HELZ: variants seen among roughly 807,000 people sequenced by gnomAD.
HELZ encodes ATP-dependent RNA helicase with zinc finger domain.
HELZ carries 23 observed loss-of-function variants against 218.2 expected under a neutral mutation model. The observed-to-expected ratio is 0.11, with a 90% CI of 0.08 to 0.15. HELZ has a LOEUF of 0.15. HELZ is among the 10% of genes least tolerant of loss of function. The pLI, the probability that HELZ is intolerant of heterozygous loss-of-function variation, is 1.00. For missense variants in HELZ, 1,813 were observed against 2,353.7 expected (o/e 0.77, Z 4.75); for synonymous variants, 814 against 829.4 (o/e 0.98, Z 0.32).
chr17:67,157,705 C>A (rs1217204113), intron 17 of HELZ, among the ~76,000 whole-genome samples: 2 of 152,170 alleles, frequency 1.3e-5, no homozygotes, highest in African/African-American at 4.8e-5. Flanking sequence ...AATTTTAATT[C>A]ACTGAAATTT....
chr17:67,154,766 A>G (rs1303339508), intron 17 of HELZ, among the ~76,000 whole-genome samples: 2 of 152,348 alleles, frequency 1.3e-5, no homozygotes, highest in Non-Finnish European at 2.9e-5. Flanking sequence ...GAAATTTTAC[A>G]CAATGTAGAT....
chr17:67,085,567 T>A (rs1015681332), intron 32 of HELZ, among the ~76,000 whole-genome samples: 2 of 152,130 alleles, frequency 1.3e-5, no homozygotes, highest in African/African-American at 4.8e-5. Context: ...TTTTTTTAAT[T>A]TTTTTTACCA....
chr17:67,180,969 CT>C (rs1333941388), intron 12 of HELZ, among the ~76,000 whole-genome samples: 1 of 151,184 alleles, frequency 6.6e-6, no homozygotes, highest in Non-Finnish European at 1.5e-5. Flanking sequence ...AGGAGAATCA[CT>C]TGAACCCAAG....
At chr17:67,226,672 A>G (rs1401063052) in intron 3 of HELZ, among the ~76,000 whole-genome samples, 1 of 152,232 alleles carries the variant, frequency 6.6e-6, no homozygotes, top group East Asian at 1.9e-4. Flanking sequence ...AATGAAAACT[A>G]TGTTCACACA....
At chr17:67,139,051 C>CT (rs1206126839) in intron 21 of HELZ, among the ~76,000 whole-genome samples, 1 of 151,938 alleles carries the variant, frequency 6.6e-6, no homozygotes, top group Non-Finnish European at 1.5e-5. Flanking sequence ...TTTCAAATGT[C>CT]TTTAAGTACA....
At chr17:67,184,820 C>CAAATAAATAAAT (rs3048665) in intron 12 of HELZ, among the ~76,000 whole-genome samples, 3,096 of 150,040 alleles carry the variant, frequency 0.021, 48 homozygotes, top group East Asian at 0.039. Context: ...TGTCTCTAAA[C>CAAATAAATAAAT]AAATAAATAA....
chr17:67,207,997 T>C lies in HELZ; in HGVS notation c.248-4554A>G, dbSNP rs1598424727. On this transcript the variant is annotated intron_variant, in intron 5 of 32. Transcript: ENST00000358691. ...CTGGGCGACAGAGCAAGACCCTGTC[T>C]CAAAACAAAAACAAAAAACAGCATG... Among the ~76,000 whole-genome samples, 3 of 152,190 alleles carry C rather than the reference T, an allele frequency of 2.0e-5. No individual in the cohort carries two copies. In the East Asian group the frequency reaches 5.8e-4, roughly 29 times the overall value.
At position 67,192,208 on chromosome 17, in the gene HELZ, T is replaced by TA. The variant is rs1039049487; in HGVS notation, c.557+1758dup. Among the ~76,000 whole-genome samples, 290 of 148,770 alleles carry TA rather than the reference T, an allele frequency of 1.9e-3. 1 individual carries two copies. The highest frequency in any genetic ancestry group is 5.7e-3 in the African/African-American group (233 of 40,556). ...CAAGAGCAAAACTCTGTCTCAAAAA[T>TA]AAAAAAAAATACATAATTAAATGTA... On this transcript the variant is annotated intron_variant, in intron 9 of 32. Coordinates refer to ENST00000358691, the MANE Select transcript of HELZ (RefSeq NM_014877.4).
At chr17:67,155,097 C>T (rs1229956975) in intron 17 of HELZ, among the ~76,000 whole-genome samples, 2 of 152,144 alleles carry the variant, frequency 1.3e-5, no homozygotes, top group Admixed American at 6.5e-5. Flanking sequence ...TTACCTCTTA[C>T]GAACTTTGTC....
rs752765247 is a variant in HELZ, at chr17:67,109,339, T to C, written c.4266A>G (p.Ala1422=). The change falls in exon 29 of 33, where the codon GCA becomes GCG. Residue 1422 remains alanine, a synonymous_variant. Transcript: ENST00000358691. ...PQQPPPQLSP[A]YQAGPNNAFF... ...AAGCATTGTTGGGTCCCGCCTGATATGCAGGAGAAAGCTGAGGAGGTGGCT... is the reference window on the plus strand; with the variant it reads ...AAGCATTGTTGGGTCCCGCCTGATACGCAGGAGAAAGCTGAGGAGGTGGCT... 75 of 1,614,040 alleles carry C rather than the reference T, an allele frequency of 4.6e-5. No homozygotes were observed. Among genetic ancestry groups the C allele is most frequent in the Middle Eastern group, 1.6e-4 (1 of 6,084 alleles).
At position 67,086,878 on chromosome 17, in the gene HELZ, G is replaced by A; in HGVS notation, c.5445C>T (p.Asn1815=). Residue 1815 remains asparagine, a synonymous_variant, in exon 32 of 33, where the codon AAC becomes AAT. Coordinates refer to ENST00000358691, the MANE Select transcript of HELZ (RefSeq NM_014877.4). ...VNTTSSTPYQ[N]IPCNGSSRTA... ...TCCTGCTGGATCCATTGCACGGAAT[G>A]TTCTGATAAGGAGTAGATGAGGTGG... 6.2e-7 allele frequency: 1 copy of A among 1,613,688 alleles called. No homozygotes were observed. Among genetic ancestry groups the A allele is most frequent in the Non-Finnish European group, 8.5e-7 (1 of 1,179,940 alleles).
At chr17:67,089,841 A>G (rs1474462028) in intron 31 of HELZ, among the ~76,000 whole-genome samples, 1 of 151,060 alleles carries the variant, frequency 6.6e-6, no homozygotes, top group Non-Finnish European at 1.5e-5. Context: ...CTTTTTCTAT[A>G]CTGACAACCA....
At chr17:67,203,974 A>C (rs1056140608) in intron 5 of HELZ, among the ~76,000 whole-genome samples, 1 of 152,226 alleles carries the variant, frequency 6.6e-6, no homozygotes, top group Admixed American at 6.5e-5. Flanking sequence ...TGCAGATTTA[A>C]TCTAATACAA....
chr17:67,079,878 G>A, intron 32 of HELZ, among the ~76,000 whole-genome samples: 1 of 152,070 alleles, frequency 6.6e-6, no homozygotes. Context: ...CTATTCTATT[G>A]TTTTTTCCTA....
At chr17:67,170,273 C>T (rs2039268612) in intron 13 of HELZ, among the ~76,000 whole-genome samples, 1 of 152,230 alleles carries the variant, frequency 6.6e-6, no homozygotes, top group Admixed American at 6.5e-5. Flanking sequence ...TCCGCCTGGG[C>T]CCTCAGACTG....
At chr17:67,232,601 T>C (rs1037043431) in intron 3 of HELZ, among the ~76,000 whole-genome samples, 1 of 152,234 alleles carries the variant, frequency 6.6e-6, no homozygotes, top group Non-Finnish European at 1.5e-5. Flanking sequence ...CTAGACCCCA[T>C]GCAGAGACCT....
intron 28 of HELZ, among the ~76,000 whole-genome samples, chr17:67,112,765 G>A (rs1189242894): frequency 6.6e-6 from 1 of 152,314 alleles, no homozygotes; most frequent in East Asian, 1.9e-4. Context: ...AAGACAGGTG[G>A]GACTAGGACA....
intron 3 of HELZ, among the ~76,000 whole-genome samples, chr17:67,231,593 A>G (rs943119007): frequency 1.6e-4 from 22 of 139,078 alleles, no homozygotes; most frequent in African/African-American, 1.6e-4. Context: ...ACTCTGTCGG[A>G]AAAAAAAAAA....
intron 23 of HELZ, among the ~76,000 whole-genome samples, chr17:67,135,496 C>T (rs951689490): frequency 1.3e-5 from 2 of 152,202 alleles, no homozygotes; most frequent in African/African-American, 4.8e-5. Flanking sequence ...TCTGCTCTCA[C>T]CACGCTATTT....
Sources: allele counts gnomAD v4.1 joint callset (sites outside exome capture counted in the v4.1 genomes callset), GRCh38; gene constraint gnomAD v4.1.1; transcripts MANE v1.5; gene names NCBI Gene and HGNC (gene_info 2026-07-23, HGNC 2026-07-21).